Variants in CFAP44 observed in about 807,000 individuals in gnomAD.
CFAP44 encodes cilia- and flagella-associated protein 44.
Under a neutral mutation model 216.2 loss-of-function variants are expected in CFAP44, and 134 were observed. The observed-to-expected ratio is 0.62, with a 90% CI of 0.54 to 0.72. The LOEUF (loss-of-function observed/expected upper bound fraction) is 0.72. CFAP44 is among the 30% of genes least tolerant of loss of function. CFAP44 has a pLI of 0.00. For synonymous variants in CFAP44, 700 were observed against 727.6 expected, an observed-to-expected ratio of 0.96 and a Z score of 0.61; for missense variants, 2,035 against 2,182.1, an observed-to-expected ratio of 0.93 and a Z score of 1.34.
chr3:113,424,611 G>A (rs1436432429), intron 4 of CFAP44, among the ~76,000 whole-genome samples: 2 of 152,164 alleles, frequency 1.3e-5, no homozygotes, highest in African/African-American at 2.4e-5. Flanking sequence ...GCAGAGAGGA[G>A]AACTAAATCT....
In CFAP44 at chr3:113,294,722, G is replaced by C. The variant is rs762637939; in HGVS notation, c.5338C>G (p.Leu1780Val). 7 of 1,536,022 alleles carry C rather than the reference G, an allele frequency of 4.6e-6. No homozygotes were observed. In the South Asian group the frequency reaches 7.2e-5, roughly 16 times the overall value. The change falls in exon 34 of 35, where the codon CTT (leucine) becomes GTT (valine). Residue 1780 changes from leucine (L) to valine (V), a missense_variant. Physicochemically the swap from Leu to Val is conservative, Grantham distance 32 (BLOSUM62 1). Transcript: ENST00000393845. The part of the protein sequence containing the change: ...MNDLCIEKKK[L>V]DSRLNTLQNQ... Reference sequence around the variant, plus strand: ...TGTAGTGTATTCAACCGAGAATCAAGTTTCTTCTTTTCAATACACAAATCA... The same window carrying C: ...TGTAGTGTATTCAACCGAGAATCAACTTTCTTCTTTTCAATACACAAATCA...
Position 113,290,417 on chromosome 3 carries a change from C to T in CFAP44, c.*1140G>A, listed in dbSNP as rs1949817930. ...GCAGGCTAATCACAGGTGAGGAAGA[C>T]TTGGCATTGCTGAGTTCCCTTCTAC... On this transcript the variant is annotated 3_prime_UTR_variant, in exon 35 of 35. Transcript: ENST00000393845. 1 of 152,242 alleles carries T rather than the reference C, an allele frequency of 6.6e-6. No individual in the cohort carries two copies. Among genetic ancestry groups the T allele is most frequent in the Non-Finnish European group, 1.5e-5 (1 of 68,050 alleles). 9.4% of individuals were successfully genotyped at this position (152,242 alleles called of 1,614,324 possible).
rs1051512019 is a variant in CFAP44 at position 113,396,614 on chromosome 3, C to A, written c.1683G>T (p.Leu561Phe). 6.2e-7 allele frequency: 1 copy of A among 1,614,086 alleles called. No individual in the cohort carries two copies. Reference protein sequence around the residue: ...LTIFAGRKKILDADIQLKQVF... With the variant: ...LTIFAGRKKIFDADIQLKQVF... The stretch of plus-strand genomic sequence containing the variant: ...CCTGTTTCAACTGAATATCAGCATC[C>A]AAAATTTTCTTCCGTCCCGCAAAAA... Residue 561 changes from leucine (L) to phenylalanine (F), a missense_variant, in exon 14 of 35, where the codon TTG (leucine) becomes TTT (phenylalanine). Physicochemically the swap from Leu to Phe is conservative, Grantham distance 22. This residue lies in a region of CFAP44 where 1,883 missense variants were observed against 2,023.7 expected (regional missense o/e 0.93). Transcript: ENST00000393845.
Position 113,379,435 on chromosome 3 carries a change from C to G in CFAP44, c.2169G>C (p.Gln723His). The part of the protein sequence containing the change: ...EMGEDGEKEF[Q>H]EEEEEKEEEE... Reference sequence around the variant, plus strand: ...CCTCCTCTTTCTCCTCTTCCTCCTCCTGAAATTCTTTTTCTCCATCTTCTC... The same window carrying G: ...CCTCCTCTTTCTCCTCTTCCTCCTCGTGAAATTCTTTTTCTCCATCTTCTC... Residue 723 changes from glutamine to histidine, a missense_variant, in exon 17 of 35, where the codon CAG becomes CAC. Gln to His is a conservative substitution (Grantham distance 24). Coordinates refer to ENST00000393845, the MANE Select transcript of CFAP44 (RefSeq NM_001164496.2). 6.2e-7 allele frequency: 1 copy of G among 1,612,922 alleles called. No homozygotes were observed. Among genetic ancestry groups the G allele is most frequent in the Non-Finnish European group, 8.5e-7 (1 of 1,179,074 alleles).
At chr3:113,346,168 C>T (rs1950379923) in intron 22 of CFAP44, among the ~76,000 whole-genome samples, 1 of 152,190 alleles carries the variant, frequency 6.6e-6, no homozygotes, top group Non-Finnish European at 1.5e-5. Flanking sequence ...TAAAAACGCA[C>T]CAATCAGCGC....
chr3:113,357,689 A>T (rs917318231), intron 22 of CFAP44, among the ~76,000 whole-genome samples: 2 of 152,202 alleles, frequency 1.3e-5, no homozygotes, highest in Non-Finnish European at 2.9e-5. Flanking sequence ...GCCCTAAGAC[A>T]CTAACACAGT....
chr3:113,420,890 CTTA>C, intron 4 of CFAP44, among the ~76,000 whole-genome samples: 1 of 151,904 alleles, frequency 6.6e-6, no homozygotes, highest in East Asian at 1.9e-4. Context: ...CTTTTCTGAG[CTTA>C]TTAGTATATG....
chr3:113,410,444 C>T (rs1934431749), intron 6 of CFAP44, among the ~76,000 whole-genome samples: 1 of 152,130 alleles, frequency 6.6e-6, no homozygotes, highest in African/African-American at 2.4e-5. Flanking sequence ...TGATGGTTTC[C>T]AGCTTCACCC....
At chr3:113,394,625 G>T (rs1318668583) in intron 15 of CFAP44, among the ~76,000 whole-genome samples, 2 of 152,022 alleles carry the variant, frequency 1.3e-5, no homozygotes, top group East Asian at 1.9e-4. Flanking sequence ...TCTATACCAG[G>T]GGTGTCCAAT....
chr3:113,404,451 G>T (rs1408110898), intron 8 of CFAP44, among the ~76,000 whole-genome samples: 1 of 152,132 alleles, frequency 6.6e-6, no homozygotes, highest in Non-Finnish European at 1.5e-5. Context: ...TTCAAACAAG[G>T]ATAATCATCT....
In CFAP44 at chr3:113,294,694, T is replaced by A; in HGVS notation, c.5366A>T (p.Asn1789Ile). 6.5e-7 allele frequency: 1 copy of A among 1,529,778 alleles called. No homozygotes were observed. The highest frequency in any genetic ancestry group is 1.2e-5 in the South Asian group (1 of 81,634). The allele number at this position is 1,529,778 out of a possible 1,614,324, so 94.8% of individuals were successfully genotyped here. The change falls in exon 34 of 35, where the codon AAT (asparagine) becomes ATT (isoleucine). Residue 1789 changes from asparagine to isoleucine, a missense_variant. By Grantham distance (149) the Asn-to-Ile change is moderately radical (BLOSUM62 -3). This residue lies in a region of CFAP44 where 1,883 missense variants were observed against 2,023.7 expected (regional missense o/e 0.93). Transcript: ENST00000393845. ...TGAAGGTAAAGAACATACCTGCTGA[T>A]TCTGTAGTGTATTCAACCGAGAATC... ...KLDSRLNTLQ[N>I]QQGNAFQGPR... is the part of the protein sequence containing the mutation.
intron 15 of CFAP44, among the ~76,000 whole-genome samples, chr3:113,388,731 T>C (rs1933715941): frequency 6.6e-6 from 1 of 151,542 alleles, no homozygotes; most frequent in Non-Finnish European, 1.5e-5. Flanking sequence ...CAAAATAGAG[T>C]AGAAATAATT....
At chr3:113,316,231 A>C (rs575296964) in intron 28 of CFAP44, among the ~76,000 whole-genome samples, 6 of 152,372 alleles carry the variant, frequency 3.9e-5, no homozygotes, top group Admixed American at 1.3e-4. Flanking sequence ...TAAAAATTTT[A>C]AAAACTACAT....
chr3:113,429,845 A>G (rs1456459013), intron 2 of CFAP44, among the ~76,000 whole-genome samples: 1 of 152,144 alleles, frequency 6.6e-6, no homozygotes, highest in African/African-American at 2.4e-5. Flanking sequence ...ATTACAATAT[A>G]TAACAACTTT....
intron 16 of CFAP44, among the ~76,000 whole-genome samples, chr3:113,380,634 G>A (rs1213877286): frequency 2.0e-5 from 3 of 152,078 alleles, no homozygotes; most frequent in Admixed American, 1.3e-4. Context: ...CTTCCATGCA[G>A]TCATCTTTGA....
At chr3:113,340,243 C>T (rs1418368776) in intron 24 of CFAP44, among the ~76,000 whole-genome samples, 2 of 152,228 alleles carry the variant, frequency 1.3e-5, no homozygotes, top group Non-Finnish European at 2.9e-5. Context: ...TGATTTTCAC[C>T]TTCGGAGGCT....
intron 28 of CFAP44, among the ~76,000 whole-genome samples, chr3:113,312,393 C>G (rs1293354013): frequency 6.6e-6 from 1 of 151,788 alleles, no homozygotes; most frequent in African/African-American, 2.4e-5. Flanking sequence ...TAAAGGAATT[C>G]AGTTTTAAAA....
intron 30 of CFAP44, 118 bp from the exon 31 acceptor site, chr3:113,305,270 CT>C (rs1949974434): frequency 2.3e-6 from 2 of 863,310 alleles, no homozygotes; most frequent in South Asian, 3.3e-5. Flanking sequence ...CTTTGTTGGG[CT>C]GTGATTAAGT....
chr3:113,330,511 T>C lies in CFAP44; in HGVS notation c.3773A>G (p.Gln1258Arg). 1 of 1,537,246 alleles carries C rather than the reference T, an allele frequency of 6.5e-7. No homozygotes were observed. The highest frequency in any genetic ancestry group is 8.7e-7 in the Non-Finnish European group (1 of 1,146,890). ...TTCTGGAACTTCTTCTGGGTGTATC[T>C]GAGGAATTTTGGGAATGGGTATGTG... Reference protein sequence around the residue: ...SKHIPIPKIPQIHPEEVPEKR... With the variant: ...SKHIPIPKIPRIHPEEVPEKR... The change falls in exon 26 of 35, where the codon CAG becomes CGG. Residue 1258 changes from glutamine (Q) to arginine (R), a missense_variant. Coordinates refer to ENST00000393845, the MANE Select transcript of CFAP44 (RefSeq NM_001164496.2).
Sources: allele counts gnomAD v4.1 joint callset (sites outside exome capture counted in the v4.1 genomes callset), GRCh38; gene constraint gnomAD v4.1.1; regional missense constraint gnomAD v4.1.1; transcripts MANE v1.5; gene names NCBI Gene and HGNC (gene_info 2026-07-23, HGNC 2026-07-21).